The following UTRN variants were observed in gnomAD, a reference collection of about 807,000 sequenced individuals.
The protein encoded by UTRN is utrophin.
UTRN carries 283 observed loss-of-function variants against 463.9 expected under a neutral mutation model. The observed-to-expected ratio is 0.61, with a 90% CI of 0.55 to 0.67. The LOEUF is 0.67. UTRN is among the 30% of genes least tolerant of loss of function. UTRN has a pLI of 0.00. For synonymous variants in UTRN, 1,442 were observed against 1,431.5 expected, an observed-to-expected ratio of 1.01 and a Z score of -0.17; for missense variants, 3,922 against 4,084.3, an observed-to-expected ratio of 0.96 and a Z score of 1.08.
intron 51 of UTRN, among the ~76,000 whole-genome samples, chr6:144,613,868 A>G (rs1805785019): frequency 6.6e-6 from 1 of 152,122 alleles, no homozygotes; most frequent in Non-Finnish European, 1.5e-5. Context: ...TTAAATATAT[A>G]TACACGCATT....
intron 53 of UTRN, chr6:144,708,114 C>T: frequency 1.0e-5 from 3 of 295,564 alleles, no homozygotes; most frequent in South Asian, 4.9e-5. Context: ...CTTCACTTTT[C>T]AGTAAAGATA....
chr6:144,541,352 A>G (rs1797962764), intron 45 of UTRN, among the ~76,000 whole-genome samples: 1 of 152,200 alleles, frequency 6.6e-6, no homozygotes, highest in African/African-American at 2.4e-5. Context: ...CGGAGCACAC[A>G]TATTTATTTA....
chr6:144,517,455 C>G (rs1158292020), intron 39 of UTRN, among the ~76,000 whole-genome samples: 1 of 151,814 alleles, frequency 6.6e-6, no homozygotes, highest in Admixed American at 6.6e-5. Context: ...ATGTCAGTCT[C>G]CCAAGTTGCT....
intron 51 of UTRN, among the ~76,000 whole-genome samples, chr6:144,623,402 T>C (rs1398538657): frequency 6.6e-6 from 1 of 152,230 alleles, no homozygotes; most frequent in Non-Finnish European, 1.5e-5. Flanking sequence ...ATGACAGTGA[T>C]AGTAAGAGTT....
In UTRN at chr6:144,448,586, G is replaced by T. The variant is rs1435384933; in HGVS notation, c.1903-14G>T. ...TGTTATAAACATTGAAATTTTGGATGGCTTTTATTTCAGGTGACTCAGGCT... is the reference window on the plus strand; with the variant it reads ...TGTTATAAACATTGAAATTTTGGATTGCTTTTATTTCAGGTGACTCAGGCT... On this transcript the variant is annotated splice_polypyrimidine_tract_variant and intron_variant, in intron 16 of 74. Transcript: ENST00000367545. The T allele has an allele frequency of 1.9e-6, 3 of 1,607,730 alleles. No homozygotes were observed. Among genetic ancestry groups the T allele is most frequent in the Non-Finnish European group, 1.7e-6 (2 of 1,177,638 alleles).
chr6:144,459,189 C>T lies in UTRN; in HGVS notation c.2542C>T (p.Leu848Phe). Residue 848 changes from leucine to phenylalanine, a missense_variant, in exon 21 of 75, where the codon CTT (leucine) becomes TTT (phenylalanine). Around this residue, in one of 3 missense-constraint regions of UTRN, gnomAD observed 2,349 missense variants for 2,303.8 expected, o/e 1.02. Transcript: ENST00000367545. Reference sequence around the variant, plus strand: ...TCTTCCTTAGCGGGAATTGACAAATCTTCTTGGCCTTCACCCCAAAATTGA... The same window carrying T: ...TCTTCCTTAGCGGGAATTGACAAATTTTCTTGGCCTTCACCCCAAAATTGA... ...KDSCQRELTN[L>F]LGLHPKIEMA... 1 of 1,611,218 alleles carries T rather than the reference C, an allele frequency of 6.2e-7. No individual in the cohort carries two copies. Among genetic ancestry groups the T allele is most frequent in the Non-Finnish European group, 8.5e-7 (1 of 1,179,046 alleles).
At chr6:144,444,430 C>A in intron 14 of UTRN, 48 bp downstream of exon 14, 1 of 1,441,884 alleles carries the variant, frequency 6.9e-7, no homozygotes, top group Admixed American at 2.0e-5. Context: ...TGAAAAGTAA[C>A]CCATCTTTTA....
At chr6:144,432,429 T>C (rs2114874881) in intron 9 of UTRN, among the ~76,000 whole-genome samples, 1 of 152,346 alleles carries the variant, frequency 6.6e-6, no homozygotes, top group Non-Finnish European at 1.5e-5. Flanking sequence ...GTTAAGAATT[T>C]TAAATTGTAT....
chr6:144,314,948 A>G (rs899181198), intron 2 of UTRN, among the ~76,000 whole-genome samples: 4 of 147,424 alleles, frequency 2.7e-5, no homozygotes, highest in South Asian at 4.2e-4. Context: ...CTCTCTCTAT[A>G]TATTTTTTTC....
intron 42 of UTRN, among the ~76,000 whole-genome samples, chr6:144,531,714 A>G (rs1267683719): frequency 6.6e-6 from 1 of 152,248 alleles, no homozygotes; most frequent in Non-Finnish European, 1.5e-5. Flanking sequence ...TTTAAAAATA[A>G]TGGTAGAAAG....
chr6:144,580,783 C>T (rs547812034), intron 51 of UTRN, among the ~76,000 whole-genome samples: 3 of 152,216 alleles, frequency 2.0e-5, no homozygotes, highest in African/African-American at 7.2e-5. Context: ...AAGAGTGATG[C>T]AATGGGATTT....
intron 65 of UTRN, among the ~76,000 whole-genome samples, chr6:144,810,490 A>G (rs1236355379): frequency 6.6e-6 from 1 of 152,182 alleles, no homozygotes; most frequent in African/African-American, 2.4e-5. Context: ...ATCCACTGTA[A>G]TGGAGAAAGA....
intron 51 of UTRN, among the ~76,000 whole-genome samples, chr6:144,664,882 A>G (rs1030778721): frequency 3.3e-5 from 5 of 151,602 alleles, no homozygotes; most frequent in South Asian, 2.1e-4. Context: ...AGTAATATAT[A>G]TATATATTTT....
At chr6:144,497,558 G>T (rs891907441) in intron 33 of UTRN, among the ~76,000 whole-genome samples, 11 of 151,244 alleles carry the variant, frequency 7.3e-5, no homozygotes, top group African/African-American at 2.4e-4. Context: ...GTATGTGCCT[G>T]TAATCCCAGC....
intron 2 of UTRN, among the ~76,000 whole-genome samples, chr6:144,364,393 G>A (rs1341002661): frequency 6.6e-6 from 1 of 152,136 alleles, no homozygotes; most frequent in East Asian, 1.9e-4. Flanking sequence ...TGGGTCAAAT[G>A]TCCTTTGTTT....
At chr6:144,493,166 G>A in intron 32 of UTRN, 135 bp from the exon 33 acceptor site, 1 of 729,666 alleles carries the variant, frequency 1.4e-6, no homozygotes, top group East Asian at 2.9e-5. Context: ...GACCAAATCT[G>A]AGAAAGATGA....
intron 2 of UTRN, among the ~76,000 whole-genome samples, chr6:144,353,403 C>T (rs1344760526): frequency 4.0e-5 from 6 of 149,510 alleles, no homozygotes; most frequent in Admixed American, 6.7e-5. Context: ...CGTGAACCAA[C>T]GTGCCCGGCC....
chr6:144,712,216 C>T lies in UTRN; in HGVS notation c.7809+11973C>T, dbSNP rs747863187. 1.3e-4 allele frequency among the ~76,000 whole-genome samples: 20 copies of T among 152,184 alleles called. 1 individual carries two copies. The highest frequency in any genetic ancestry group is 1.5e-5 in the Non-Finnish European group (1 of 68,040). ...AGCTCTTTAAGGCCCATTAGTCAAG[C>T]TGTTACTTGTGTGCAGGCCTGAAGC... On this transcript the variant is annotated intron_variant, in intron 53 of 74. Coordinates refer to ENST00000367545, the MANE Select transcript of UTRN (RefSeq NM_007124.3).
intron 51 of UTRN, among the ~76,000 whole-genome samples, chr6:144,613,347 G>A (rs955700852): frequency 7.9e-5 from 12 of 151,998 alleles, no homozygotes; most frequent in Admixed American, 6.6e-4. Flanking sequence ...AATGTGTTAT[G>A]TATTTCAAAA....
Sources: allele counts gnomAD v4.1 joint callset (sites outside exome capture counted in the v4.1 genomes callset), GRCh38; gene constraint gnomAD v4.1.1; regional missense constraint gnomAD v4.1.1; transcripts MANE v1.5; gene names NCBI Gene and HGNC (gene_info 2026-07-23, HGNC 2026-07-21).